Variants in RUNX1 observed in about 807,000 individuals in gnomAD.
RUNX1 encodes the protein RUNX family transcription factor 1.
A neutral mutation model predicts 42.8 loss-of-function variants in RUNX1; 19 were observed. The ratio of observed to expected loss-of-function variants is 0.44; its 90% CI spans 0.31 to 0.65. The LOEUF is 0.65. Among genes scored for constraint, RUNX1 ranks in the 30% least tolerant of loss-of-function variants. RUNX1 has a pLI of 0.07. For synonymous variants in RUNX1, 271 were observed against 289.4 expected, an observed-to-expected ratio of 0.94 and a Z score of 0.64; for missense variants, 528 against 672.0, an observed-to-expected ratio of 0.79 and a Z score of 2.37.
At chr21:34,985,782 A>G (rs1032375233) in intron 2 of RUNX1, among the ~76,000 whole-genome samples, 1 of 149,580 alleles carries the variant, frequency 6.7e-6, no homozygotes, top group Non-Finnish European at 1.5e-5. Context: ...TGCCACCAAC[A>G]TTTCCTTCTC....
At chr21:34,945,844 C>T (rs984933300) in intron 2 of RUNX1, among the ~76,000 whole-genome samples, 14 of 152,126 alleles carry the variant, frequency 9.2e-5, no homozygotes, top group Admixed American at 2.6e-4. Flanking sequence ...GCTCTTTCTC[C>T]AGATCTGGCT....
At chr21:34,994,321 TA>T (rs1017382658) in intron 2 of RUNX1, among the ~76,000 whole-genome samples, 5 of 152,130 alleles carry the variant, frequency 3.3e-5, no homozygotes, top group Non-Finnish European at 7.3e-5. Flanking sequence ...TAAAATGCAA[TA>T]ATGTGTAAGA....
intron 5 of RUNX1, among the ~76,000 whole-genome samples, chr21:34,876,142 G>C (rs2057810004): frequency 6.6e-6 from 1 of 152,172 alleles, no homozygotes; most frequent in South Asian, 2.1e-4. Context: ...GCCTTACAGG[G>C]CTGGGTGTGG....
At chr21:34,952,096 A>C (rs9754149) in intron 2 of RUNX1, among the ~76,000 whole-genome samples, 6,870 of 152,204 alleles carry the variant, frequency 0.045, 529 homozygotes, top group African/African-American at 0.16. Flanking sequence ...TGAAGCTGGA[A>C]ATCACCATTC....
chr21:35,011,375 C>T (rs758337981), intron 2 of RUNX1, among the ~76,000 whole-genome samples: 1 of 152,178 alleles, frequency 6.6e-6, no homozygotes, highest in Non-Finnish European at 1.5e-5. Flanking sequence ...GGCAGTGAGA[C>T]AGCCACTACT....
intron 2 of RUNX1, among the ~76,000 whole-genome samples, chr21:34,999,175 T>C (rs2059021254): frequency 1.3e-5 from 2 of 152,180 alleles, no homozygotes; most frequent in Non-Finnish European, 2.9e-5. Context: ...GAGCCGGAGC[T>C]TGGAGGCTGG....
chr21:34,891,900 C>G (rs1469226945), intron 3 of RUNX1, among the ~76,000 whole-genome samples: 3 of 152,032 alleles, frequency 2.0e-5, no homozygotes, highest in Non-Finnish European at 2.9e-5. Flanking sequence ...CATTGGAAAA[C>G]AGTAACAGTG....
At chr21:34,911,481 C>CAG (rs2058271854) in intron 2 of RUNX1, among the ~76,000 whole-genome samples, 1 of 152,164 alleles carries the variant, frequency 6.6e-6, no homozygotes, top group Non-Finnish European at 1.5e-5. Flanking sequence ...GCAGTCTGCT[C>CAG]AGGGTTGGAG....
rs73203034 is a variant in RUNX1, at chr21:34,992,949, G to A, written c.58+55893C>T. ...GGCAGCCCGCCCAGGCCTCAGCAGG[G>A]AGGGGAGCGGAGACTCCCTCCGGGT... is the stretch of plus-strand genomic sequence containing the variant. On this transcript the variant is annotated intron_variant, in intron 2 of 8. Transcript: ENST00000675419. Among the ~76,000 whole-genome samples the A allele has an allele frequency of 9.9e-3, 1,502 of 152,334 alleles. 15 individuals are homozygous for A. The highest frequency in any genetic ancestry group is 0.016 in the Non-Finnish European group (1,077 of 68,022).
chr21:34,989,546 TG>T (rs2058920492), intron 2 of RUNX1, among the ~76,000 whole-genome samples: 1 of 152,090 alleles, frequency 6.6e-6, no homozygotes, highest in Middle Eastern at 3.2e-3. Flanking sequence ...GGCAACTGCC[TG>T]GCATGATGTG....
At chr21:34,873,825 T>C (rs763295370) in intron 5 of RUNX1, among the ~76,000 whole-genome samples, 47 of 152,200 alleles carry the variant, frequency 3.1e-4, no homozygotes, top group Admixed American at 5.2e-4. Flanking sequence ...CCGTTGAATG[T>C]AGGACTCACA....
intron 2 of RUNX1, among the ~76,000 whole-genome samples, chr21:35,012,952 C>G (rs1178773199): frequency 6.6e-6 from 1 of 152,170 alleles, no homozygotes; most frequent in Non-Finnish European, 1.5e-5. Context: ...ATCGATAATA[C>G]ATAAATGAAC....
intron 2 of RUNX1, among the ~76,000 whole-genome samples, chr21:34,909,038 T>G (rs111258427): frequency 3.0e-3 from 459 of 152,260 alleles, no homozygotes; most frequent in African/African-American, 0.011. Flanking sequence ...TACCAATAAT[T>G]TATGCCTTTT....
chr21:34,885,982 G>A (rs372724207), intron 4 of RUNX1, among the ~76,000 whole-genome samples: 7 of 152,314 alleles, frequency 4.6e-5, no homozygotes, highest in Admixed American at 2.0e-4. Flanking sequence ...TGAAGGTCAA[G>A]GTTTTTAAAG....
intron 2 of RUNX1, among the ~76,000 whole-genome samples, chr21:34,934,842 T>C (rs1298851049): frequency 6.6e-6 from 1 of 152,024 alleles, no homozygotes; most frequent in African/African-American, 2.4e-5. Context: ...TGTTGAACAA[T>C]TGGCAGATGA....
At chr21:34,946,699 G>A (rs1375191026) in intron 2 of RUNX1, among the ~76,000 whole-genome samples, 1 of 152,192 alleles carries the variant, frequency 6.6e-6, no homozygotes, top group African/African-American at 2.4e-5. Context: ...CAAGCTGAGT[G>A]TACAAGAGCT....
chr21:35,035,210 G>T (rs565758961), intron 2 of RUNX1, among the ~76,000 whole-genome samples: 2 of 152,342 alleles, frequency 1.3e-5, no homozygotes, highest in South Asian at 4.1e-4. Flanking sequence ...TTCAGTGCTC[G>T]CAACAGCTGC....
At chr21:34,836,535 C>G (rs1272074896) in intron 6 of RUNX1, among the ~76,000 whole-genome samples, 3 of 152,156 alleles carry the variant, frequency 2.0e-5, no homozygotes, top group Non-Finnish European at 1.5e-5. Context: ...ACAAACAATT[C>G]CAATGGAACA....
At chr21:34,966,717 A>C (rs2058721344) in intron 2 of RUNX1, among the ~76,000 whole-genome samples, 1 of 152,188 alleles carries the variant, frequency 6.6e-6, no homozygotes. Context: ...TTGCCCTTCT[A>C]TTTATTTTTG....
Sources: allele counts gnomAD v4.1 joint callset (sites outside exome capture counted in the v4.1 genomes callset), GRCh38; gene constraint gnomAD v4.1.1; transcripts MANE v1.5; gene names NCBI Gene and HGNC (gene_info 2026-07-23, HGNC 2026-07-21).